Variants in DLG2 observed in about 807,000 individuals in gnomAD.
DLG2 encodes the protein disks large homolog 2.
Under a neutral mutation model 132.5 loss-of-function variants are expected in DLG2, and 45 were observed. The ratio of observed to expected loss-of-function variants is 0.34; its 90% confidence interval spans 0.27 to 0.44. The LOEUF is 0.44. Among genes scored for constraint, DLG2 ranks in the 20% least tolerant of loss-of-function variants. The pLI, the probability that DLG2 is intolerant of heterozygous loss-of-function variation, is 1.00. For synonymous variants in DLG2, 424 were observed against 419.6 expected (o/e 1.01, Z -0.13); for missense variants, 1,045 against 1,196.9 (o/e 0.87, Z 1.87).
chr11:85,462,403 T>C (rs532824220), intron 3 of DLG2, among the ~76,000 whole-genome samples: 17 of 152,116 alleles, frequency 1.1e-4, no homozygotes, highest in Non-Finnish European at 2.4e-4. Context: ...AACCAACCCA[T>C]ATGTCCGACA....
intron 6 of DLG2, among the ~76,000 whole-genome samples, chr11:84,791,062 G>T (rs1255514287): frequency 6.6e-6 from 1 of 152,120 alleles, no homozygotes; most frequent in Non-Finnish European, 1.5e-5. Context: ...TGGTGGAAGG[G>T]GAAGCAGGCA....
intron 6 of DLG2, among the ~76,000 whole-genome samples, chr11:84,857,150 G>T (rs563357945): frequency 6.6e-6 from 1 of 151,874 alleles, no homozygotes; most frequent in Non-Finnish European, 1.5e-5. Flanking sequence ...AGGTTACAAT[G>T]AAGTGAAGCA....
chr11:84,974,467 T>G (rs1235498861), intron 6 of DLG2, among the ~76,000 whole-genome samples: 3 of 152,186 alleles, frequency 2.0e-5, no homozygotes, highest in Admixed American at 6.5e-5. Flanking sequence ...ACCACTGGGT[T>G]GCAAAATAAA....
At chr11:83,932,166 AAACAAC>A in intron 14 of DLG2, among the ~76,000 whole-genome samples, 1 of 151,686 alleles carries the variant, frequency 6.6e-6, no homozygotes, top group South Asian at 2.1e-4. Flanking sequence ...TCTTGCAATC[AAACAAC>A]AACATTAAAA....
At chr11:85,050,643 T>C (rs994069273) in intron 6 of DLG2, among the ~76,000 whole-genome samples, 4 of 152,118 alleles carry the variant, frequency 2.6e-5, no homozygotes, top group Non-Finnish European at 5.9e-5. Flanking sequence ...AGCCCTCCTC[T>C]CAGAGAAGGC....
chr11:84,246,930 G>A (rs1026053031), intron 8 of DLG2, among the ~76,000 whole-genome samples: 3 of 152,006 alleles, frequency 2.0e-5, no homozygotes, highest in African/African-American at 4.8e-5. Flanking sequence ...TGAGGTAACA[G>A]TAAATGGTAG....
At chr11:84,396,108 A>G (rs2098810072) in intron 7 of DLG2, among the ~76,000 whole-genome samples, 1 of 152,196 alleles carries the variant, frequency 6.6e-6, no homozygotes, top group Non-Finnish European at 1.5e-5. Context: ...ACATTCTACT[A>G]TGTGATGTTA....
At chr11:85,111,011 T>G (rs1286717314) in intron 6 of DLG2, among the ~76,000 whole-genome samples, 1 of 152,156 alleles carries the variant, frequency 6.6e-6, no homozygotes, top group Non-Finnish European at 1.5e-5. Flanking sequence ...TTCAGCCACT[T>G]TCTTCACACA....
chr11:84,891,823 T>C (rs1263645330), intron 6 of DLG2, among the ~76,000 whole-genome samples: 1 of 152,194 alleles, frequency 6.6e-6, no homozygotes, highest in Non-Finnish European at 1.5e-5. Context: ...GCCCTGTGAA[T>C]ACAGACCTAA....
chr11:83,751,581 C>G (rs1309179642), intron 18 of DLG2, among the ~76,000 whole-genome samples: 1 of 152,106 alleles, frequency 6.6e-6, no homozygotes, highest in African/African-American at 2.4e-5. Context: ...AAGAAATAGT[C>G]AAGCCCTGGA....
At chr11:84,422,718 A>C (rs1055141209) in intron 7 of DLG2, among the ~76,000 whole-genome samples, 1 of 152,158 alleles carries the variant, frequency 6.6e-6, no homozygotes, top group African/African-American at 2.4e-5. Context: ...CTAAATTGTC[A>C]TTATTAATTT....
At chr11:83,629,822 G>A (rs964849376) in intron 19 of DLG2, among the ~76,000 whole-genome samples, 1 of 152,116 alleles carries the variant, frequency 6.6e-6, no homozygotes, top group Non-Finnish European at 1.5e-5. Flanking sequence ...GAGCCTAAAT[G>A]CATCTATGTT....
intron 6 of DLG2, among the ~76,000 whole-genome samples, chr11:84,833,032 T>C (rs572273430): frequency 1.3e-5 from 2 of 149,078 alleles, no homozygotes; most frequent in African/African-American, 2.5e-5. Flanking sequence ...TGATTTTTAA[T>C]AAGCAAAGTC....
In DLG2 at chr11:84,936,574, T is replaced by C. The variant is rs566334525; in HGVS notation, c.357+175087A>G. 3 of 152,248 alleles carry C rather than the reference T, an allele frequency of 2.0e-5. No homozygotes were observed. In the South Asian group the frequency reaches 6.2e-4, roughly 32 times the overall value. 9.4% of individuals were successfully genotyped at this position (152,248 alleles called of 1,614,324 possible). On this transcript the variant is annotated intron_variant, in intron 6 of 27. Coordinates refer to ENST00000376104, the MANE Select transcript of DLG2 (RefSeq NM_001142699.3). The stretch of plus-strand genomic sequence containing the variant: ...GCAATATAATACAATTCTATATACA[T>C]ATTTTATACACATGTATACACATGT...
chr11:84,741,452 T>C (rs2064660532), intron 6 of DLG2, among the ~76,000 whole-genome samples: 3 of 151,600 alleles, frequency 2.0e-5, no homozygotes, highest in African/African-American at 7.3e-5. Context: ...GTACCCTTGA[T>C]CTAAGAAACA....
At chr11:85,157,272 C>CAG (rs1555387419) in intron 4 of DLG2, among the ~76,000 whole-genome samples, 1 of 151,500 alleles carries the variant, frequency 6.6e-6, no homozygotes, top group Non-Finnish European at 1.5e-5. Flanking sequence ...TTAATAAGCA[C>CAG]ATATATATAT....
chr11:83,477,758 G>A (rs551777446), intron 22 of DLG2, among the ~76,000 whole-genome samples: 1 of 151,460 alleles, frequency 6.6e-6, no homozygotes, highest in Admixed American at 6.6e-5. Flanking sequence ...TTTTGTATTT[G>A]TTTATACTAT....
At chr11:83,925,427 C>A (rs1288197546) in intron 15 of DLG2, among the ~76,000 whole-genome samples, 1 of 152,134 alleles carries the variant, frequency 6.6e-6, no homozygotes. Context: ...ATTTTAACAG[C>A]TACCTAGAGA....
intron 6 of DLG2, chr11:85,020,773 G>T (rs2154139774): frequency 4.3e-6 from 3 of 700,420 alleles, no homozygotes; most frequent in Admixed American, 1.8e-5. Context: ...CCTGCTATGT[G>T]CTTCAAAGTC....
Sources: allele counts gnomAD v4.1 joint callset (sites outside exome capture counted in the v4.1 genomes callset), GRCh38; gene constraint gnomAD v4.1.1; transcripts MANE v1.5; gene names NCBI Gene and HGNC (gene_info 2026-07-23, HGNC 2026-07-21).